SETBP1: variants seen among roughly 807,000 people sequenced by gnomAD.
SETBP1 encodes the protein SET-binding protein.
In SETBP1, 9 loss-of-function variants were observed where a neutral mutation model predicts 101.0. The observed-to-expected ratio is 0.09, with a 90% confidence interval of 0.05 to 0.16. The LOEUF is 0.16. Among genes scored for constraint, SETBP1 ranks in the 10% least tolerant of loss-of-function variants. SETBP1 has a pLI of 1.00. For missense variants in SETBP1, 1,858 were observed against 2,033.8 expected (o/e 0.91, Z 1.66); for synonymous variants, 818 against 788.5 (o/e 1.04, Z -0.63).
In SETBP1 at chr18:45,063,309, T is replaced by C. The variant is rs1462374107; in HGVS notation, c.4402T>C (p.Ser1468Pro). Residue 1468 changes from serine (S) to proline (P), a missense_variant, in exon 6 of 6, where the codon TCC (serine) becomes CCC (proline). Ser to Pro is a moderately conservative substitution (Grantham distance 74). This residue lies in a region of SETBP1 where 178 missense variants were observed against 189.1 expected (regional missense o/e 0.94). Coordinates refer to ENST00000649279, the MANE Select transcript of SETBP1 (RefSeq NM_015559.3). ...GCAGCCCACCCAGTTCGATGAGGAC[T>C]CCAGAGACCAAATGCCGGTGCTGGA... ...RKQPTQFDED[S>P]RDQMPVLEKC... is the part of the protein sequence containing the mutation. 7 of 1,604,096 alleles carry C rather than the reference T, an allele frequency of 4.4e-6. No individual in the cohort carries two copies. The East Asian group carries it at 1.6e-4, about 36-fold the overall frequency.
intron 2 of SETBP1, among the ~76,000 whole-genome samples, chr18:44,713,672 A>C (rs950351381): frequency 2.6e-5 from 4 of 152,204 alleles, no homozygotes; most frequent in African/African-American, 9.6e-5. Context: ...AGCTTTCTAG[A>C]AGCTATGTCA....
intron 2 of SETBP1, among the ~76,000 whole-genome samples, chr18:44,745,216 A>G (rs1888258124): frequency 6.6e-6 from 1 of 152,206 alleles, no homozygotes; most frequent in African/African-American, 2.4e-5. Flanking sequence ...TAGATTTATA[A>G]TCATTCGTGT....
At chr18:44,884,292 C>A (rs762088636) in intron 3 of SETBP1, among the ~76,000 whole-genome samples, 64 of 152,152 alleles carry the variant, frequency 4.2e-4, no homozygotes, top group African/African-American at 1.5e-3. Context: ...CCTCATTTGG[C>A]ATAAGAAGGA....
intron 2 of SETBP1, among the ~76,000 whole-genome samples, chr18:44,801,720 G>C (rs2071611606): frequency 6.6e-6 from 1 of 151,366 alleles, no homozygotes; most frequent in African/African-American, 2.4e-5. Flanking sequence ...TATTGAGCTT[G>C]CCATATAAAA....
rs2072646577 is a variant in SETBP1 at position 45,002,902 on chromosome 18, C to T, written c.4001-35583C>T. Among the ~76,000 whole-genome samples, 10 of 152,280 alleles carry T rather than the reference C, an allele frequency of 6.6e-5. No individual in the cohort carries two copies. The South Asian group carries it at 2.1e-3, about 32-fold the overall frequency. ...ACAGTGGGTCTTCTTAACTACTCACCACCTCTTTGAGGATTGATAGTTAAG... is the reference window on the plus strand; with the variant it reads ...ACAGTGGGTCTTCTTAACTACTCACTACCTCTTTGAGGATTGATAGTTAAG... On this transcript the variant is annotated intron_variant, in intron 4 of 5. Coordinates refer to ENST00000649279, the MANE Select transcript of SETBP1 (RefSeq NM_015559.3).
intron 2 of SETBP1, among the ~76,000 whole-genome samples, chr18:44,819,091 A>G (rs1384541979): frequency 6.6e-6 from 1 of 151,806 alleles, no homozygotes; most frequent in Non-Finnish European, 1.5e-5. Flanking sequence ...GTAGCTTTTT[A>G]TTCTCTGAGA....
At chr18:44,957,103 G>T (rs1284129610) in intron 4 of SETBP1, among the ~76,000 whole-genome samples, 1 of 152,100 alleles carries the variant, frequency 6.6e-6, no homozygotes, top group Non-Finnish European at 1.5e-5. Context: ...AGCCTTATCA[G>T]CTCCTATTTG....
intron 2 of SETBP1, among the ~76,000 whole-genome samples, chr18:44,742,275 G>A (rs895873793): frequency 3.3e-5 from 5 of 152,282 alleles, no homozygotes; most frequent in Non-Finnish European, 4.4e-5. Context: ...CCCGCACCCC[G>A]GTCTCCTGAC....
rs781443722 is a variant in SETBP1, at chr18:44,953,278, A to G, written c.3938A>G (p.Asp1313Gly). The G allele has an allele frequency of 1.2e-6, 2 of 1,614,106 alleles. No homozygotes were observed. The highest frequency in any genetic ancestry group is 1.7e-5 in the Admixed American group (1 of 60,028). Residue 1313 changes from aspartate (D) to glycine (G), a missense_variant, in exon 4 of 6, where the codon GAC becomes GGC. Coordinates refer to ENST00000649279, the MANE Select transcript of SETBP1 (RefSeq NM_015559.3). ...GGCTTTGGAACGTACAGGGAAAAGG[A>G]CATCCAAGCCTTCAAGATGAACCGC... The part of the protein sequence containing the change: ...YEGFGTYREK[D>G]IQAFKMNRKE...
intron 2 of SETBP1, among the ~76,000 whole-genome samples, chr18:44,786,081 G>T (rs951770462): frequency 6.6e-6 from 1 of 152,060 alleles, no homozygotes; most frequent in African/African-American, 2.4e-5. Flanking sequence ...TTTTCAGAAA[G>T]GCCATTGATG....
intron 4 of SETBP1, among the ~76,000 whole-genome samples, chr18:44,955,638 A>G (rs1475643806): frequency 6.6e-6 from 1 of 152,222 alleles, no homozygotes; most frequent in Non-Finnish European, 1.5e-5. Flanking sequence ...AGAACTGTCC[A>G]GGTTCAAAAA....
intron 3 of SETBP1, among the ~76,000 whole-genome samples, chr18:44,881,690 T>A (rs1235745087): frequency 1.3e-5 from 2 of 152,176 alleles, no homozygotes; most frequent in Non-Finnish European, 2.9e-5. Context: ...GAGCTCTGAA[T>A]GTCCTTCGCT....
At chr18:45,000,281 G>A (rs1046261294) in intron 4 of SETBP1, among the ~76,000 whole-genome samples, 5 of 152,246 alleles carry the variant, frequency 3.3e-5, no homozygotes, top group African/African-American at 4.8e-5. Context: ...AAAACACACT[G>A]ATGTTAGTAG....
At chr18:44,928,673 A>T (rs2070757256) in intron 3 of SETBP1, among the ~76,000 whole-genome samples, 1 of 152,204 alleles carries the variant, frequency 6.6e-6, no homozygotes, top group African/African-American at 2.4e-5. Flanking sequence ...CATTTCTCTG[A>T]TGGCCAGTGA....
At chr18:44,785,952 T>G (rs79559849) in intron 2 of SETBP1, among the ~76,000 whole-genome samples, 1 of 152,208 alleles carries the variant, frequency 6.6e-6, no homozygotes, top group African/African-American at 2.4e-5. Context: ...GACTCTTTTA[T>G]TTTTCTCACT....
intron 2 of SETBP1, among the ~76,000 whole-genome samples, chr18:44,820,976 G>A (rs2072101496): frequency 6.6e-6 from 1 of 152,180 alleles, no homozygotes; most frequent in South Asian, 2.1e-4. Context: ...TGAAGTAAGA[G>A]GATTACAGTT....
intron 2 of SETBP1, among the ~76,000 whole-genome samples, chr18:44,844,607 C>T (rs1001239595): frequency 1.3e-5 from 2 of 152,194 alleles, no homozygotes; most frequent in African/African-American, 4.8e-5. Flanking sequence ...TCCAAAGCCT[C>T]CCCTCATCAT....
chr18:44,980,160 G>T (rs921551140), intron 4 of SETBP1, among the ~76,000 whole-genome samples: 2 of 152,206 alleles, frequency 1.3e-5, no homozygotes, highest in Non-Finnish European at 2.9e-5. Context: ...ATAGAATGAA[G>T]CAGATTGAGA....
intron 2 of SETBP1, among the ~76,000 whole-genome samples, chr18:44,759,587 A>C (rs2070592508): frequency 6.6e-6 from 1 of 152,110 alleles, no homozygotes; most frequent in African/African-American, 2.4e-5. Flanking sequence ...CAGTTCCCCA[A>C]ACAGTGTGTG....
Sources: allele counts gnomAD v4.1 joint callset (sites outside exome capture counted in the v4.1 genomes callset), GRCh38; gene constraint gnomAD v4.1.1; regional missense constraint gnomAD v4.1.1; transcripts MANE v1.5; gene names NCBI Gene and HGNC (gene_info 2026-07-23, HGNC 2026-07-21).